CNGB1: variants seen among roughly 807,000 people sequenced by gnomAD.
The protein encoded by CNGB1 is cyclic nucleotide-gated channel beta-1.
A neutral mutation model predicts 151.7 loss-of-function variants in CNGB1; 126 were observed. The ratio of observed to expected loss-of-function variants is 0.83; its 90% CI spans 0.72 to 0.96. The LOEUF is 0.96. CNGB1 is among the 40% of genes least tolerant of loss of function. The pLI is 0.00. For synonymous variants in CNGB1, 623 were observed against 635.1 expected (o/e 0.98, Z 0.29); for missense variants, 1,698 against 1,627.0 (o/e 1.04, Z -0.75).
chr16:57,944,228 T>C (rs1168836747), intron 14 of CNGB1, among the ~76,000 whole-genome samples: 1 of 152,148 alleles, frequency 6.6e-6, no homozygotes, highest in African/African-American at 2.4e-5. Flanking sequence ...ATGAAGGAAA[T>C]TTTGTCATTT....
chr16:57,891,445 G>A (rs973411180), intron 31 of CNGB1, among the ~76,000 whole-genome samples: 1 of 152,148 alleles, frequency 6.6e-6, no homozygotes, highest in Admixed American at 6.5e-5. Context: ...GTTCGAGGCT[G>A]CAGTGAGCTA....
chr16:57,897,436 T>G lies in CNGB1; in HGVS notation c.3203A>C (p.His1068Pro), dbSNP rs762202033. ...GAGTAACTTCTGAGACTCAGGATAA[T>G]GCACCAAAATCTCATTCAGGTCCTT... ...DKKDLNEILV[H>P]YPESQKLLRK... The change falls in exon 31 of 33, where the codon CAT (histidine) becomes CCT (proline). Residue 1068 changes from histidine to proline, a missense_variant. His to Pro is a moderately conservative substitution (Grantham distance 77). Coordinates refer to ENST00000251102, the MANE Select transcript of CNGB1 (RefSeq NM_001297.5). 6.2e-7 allele frequency: 1 copy of G among 1,614,058 alleles called. No homozygotes were observed. Among genetic ancestry groups the G allele is most frequent in the East Asian group, 2.2e-5 (1 of 44,900 alleles).
At chr16:57,921,018 C>T (rs1961016542) in intron 18 of CNGB1, among the ~76,000 whole-genome samples, 1 of 152,126 alleles carries the variant, frequency 6.6e-6, no homozygotes, top group Non-Finnish European at 1.5e-5. Context: ...CTTTAACTTA[C>T]AGGAATTAAA....
intron 25 of CNGB1, among the ~76,000 whole-genome samples, chr16:57,907,390 T>G (rs1487531284): frequency 6.6e-6 from 1 of 152,204 alleles, no homozygotes; most frequent in Non-Finnish European, 1.5e-5. Context: ...CTCCAATGTC[T>G]GGGGGGTTTG....
chr16:57,906,660 G>A (rs540903230), intron 25 of CNGB1, among the ~76,000 whole-genome samples: 4 of 152,238 alleles, frequency 2.6e-5, no homozygotes, highest in African/African-American at 4.8e-5. Context: ...TTAGCGGGAC[G>A]GAGCAGCACC....
At chr16:57,935,107 C>T (rs1291537704) in intron 16 of CNGB1, among the ~76,000 whole-genome samples, 8 of 151,820 alleles carry the variant, frequency 5.3e-5, no homozygotes, top group Non-Finnish European at 4.4e-5. Context: ...AGTCTCGGGT[C>T]GGTGCCACTG....
chr16:57,920,350 C>A, intron 19 of CNGB1, 37 bp downstream of exon 19: 1 of 1,612,652 alleles, frequency 6.2e-7, no homozygotes, highest in South Asian at 1.1e-5. Flanking sequence ...CCCACCCCAT[C>A]CCCATCCAGG....
At chr16:57,916,967 G>A (rs1567376120) in intron 21 of CNGB1, among the ~76,000 whole-genome samples, 1 of 152,138 alleles carries the variant, frequency 6.6e-6, no homozygotes, top group Non-Finnish European at 1.5e-5. Context: ...TGGTGGAGGT[G>A]GGATTCAAAC....
At chr16:57,954,628 C>A in intron 12 of CNGB1, 11 of 958,772 alleles carry the variant, frequency 1.1e-5, no homozygotes, top group Non-Finnish European at 1.4e-5. Flanking sequence ...AAACCTAAAC[C>A]CTTCTTTTAG....
At chr16:57,937,981 A>T (rs1961557419) in intron 16 of CNGB1, among the ~76,000 whole-genome samples, 2 of 152,312 alleles carry the variant, frequency 1.3e-5, no homozygotes, top group East Asian at 3.9e-4. Context: ...CTCAAACACA[A>T]ATGTGCAGAC....
intron 31 of CNGB1, among the ~76,000 whole-genome samples, chr16:57,892,384 G>A (rs1960116230): frequency 6.6e-6 from 1 of 152,154 alleles, no homozygotes; most frequent in Admixed American, 6.6e-5. Context: ...TGATGTGGTG[G>A]GGAACGTGGG....
chr16:57,918,327 C>T (rs1280296704), intron 20 of CNGB1, among the ~76,000 whole-genome samples: 6 of 152,052 alleles, frequency 3.9e-5, no homozygotes, highest in African/African-American at 1.2e-4. Context: ...TCCTGCCCCC[C>T]AAATGTGTGA....
chr16:57,884,863 C>T (rs185037), intron 32 of CNGB1, among the ~76,000 whole-genome samples: 13,035 of 152,058 alleles, frequency 0.086, 770 homozygotes, highest in South Asian at 0.12. Context: ...GTGGGCACTC[C>T]TGGAGTGGAT....
At chr16:57,957,496 T>A in intron 11 of CNGB1, 119 bp from the exon 12 acceptor site, 1 of 838,776 alleles carries the variant, frequency 1.2e-6, no homozygotes, top group Non-Finnish European at 2.0e-6. Context: ...AGTTGTCCCA[T>A]GGGATGGAGA....
intron 15 of CNGB1, 121 bp from the exon 16 acceptor site, chr16:57,939,713 C>T (rs1193287175): frequency 1.4e-6 from 2 of 1,395,392 alleles, no homozygotes; most frequent in Non-Finnish European, 2.0e-6. Context: ...CTTGCCCTGC[C>T]CAGCCAGTCA....
chr16:57,897,274 A>T, intron 31 of CNGB1, 123 bp downstream of exon 31: 1 of 1,076,626 alleles, frequency 9.3e-7, no homozygotes. Flanking sequence ...TGCACTCCAG[A>T]CTGGGTGACA....
chr16:57,936,229 G>A (rs1364232799), intron 16 of CNGB1, among the ~76,000 whole-genome samples: 1 of 152,138 alleles, frequency 6.6e-6, no homozygotes, highest in Non-Finnish European at 1.5e-5. Flanking sequence ...CTCTGAGGAT[G>A]ACTATCTGCA....
intron 12 of CNGB1, chr16:57,955,436 G>GTGAGTGGA: frequency 7.7e-7 from 1 of 1,301,676 alleles, no homozygotes; most frequent in South Asian, 1.3e-5. Flanking sequence ...GAGTGAGTGA[G>GTGAGTGGA]TGAGTGGATG....
At chr16:57,949,730 G>C (rs992768142) in intron 13 of CNGB1, among the ~76,000 whole-genome samples, 5 of 151,940 alleles carry the variant, frequency 3.3e-5, no homozygotes, top group African/African-American at 1.2e-4. Flanking sequence ...GTAAGTTATG[G>C]GCTTCAGAAC....
Sources: allele counts gnomAD v4.1 joint callset (sites outside exome capture counted in the v4.1 genomes callset), GRCh38; gene constraint gnomAD v4.1.1; transcripts MANE v1.5; gene names NCBI Gene and HGNC (gene_info 2026-07-23, HGNC 2026-07-21).